Variants in FAM193B observed in about 807,000 individuals in gnomAD.
FAM193B encodes protein FAM193B.
Under a neutral mutation model 70.7 loss-of-function variants are expected in FAM193B, and 27 were observed. The ratio of observed to expected loss-of-function variants is 0.38; its 90% CI spans 0.28 to 0.53. FAM193B has a LOEUF of 0.53. FAM193B is among the 20% of genes least tolerant of loss of function. The pLI is 0.81. For missense variants in FAM193B, 1,022 were observed against 1,072.5 expected (o/e 0.95, Z 0.66); for synonymous variants, 448 against 436.0 (o/e 1.03, Z -0.34).
At chr5:177,547,434 G>A (rs546877163) in intron 1 of FAM193B, among the ~76,000 whole-genome samples, 3 of 150,490 alleles carry the variant, frequency 2.0e-5, no homozygotes, top group African/African-American at 7.3e-5. Flanking sequence ...ACAGGCACGC[G>A]CCACCATGCC....
chr5:177,539,506 G>A (rs1305205055), intron 1 of FAM193B, among the ~76,000 whole-genome samples: 1 of 152,188 alleles, frequency 6.6e-6, no homozygotes, highest in Non-Finnish European at 1.5e-5. Flanking sequence ...GGCATGGCTG[G>A]GAGTGTCCAC....
At chr5:177,553,806 C>T (rs1446020939) in intron 1 of FAM193B, 21 of 1,286,902 alleles carry the variant, frequency 1.6e-5, no homozygotes, top group Non-Finnish European at 2.1e-5. Flanking sequence ...GCAGGCGCTG[C>T]AGGGGACGGA....
At chr5:177,535,346 A>G (rs998280362) in intron 4 of FAM193B, among the ~76,000 whole-genome samples, 6 of 152,390 alleles carry the variant, frequency 3.9e-5, no homozygotes, top group Admixed American at 1.3e-4. Flanking sequence ...GACTGCAGAC[A>G]CTGTCAACCC....
At position 177,536,694 on chromosome 5, in the gene FAM193B, G is replaced by A; in HGVS notation, c.740C>T (p.Pro247Leu). The change falls in exon 4 of 9, where the codon CCC becomes CTC. Residue 247 changes from proline to leucine, a missense_variant. Pro to Leu is a moderately conservative substitution (Grantham distance 98). Coordinates refer to ENST00000514747, the MANE Select transcript of FAM193B (RefSeq NM_001190946.3). ...GTGGTGGCCGGTGGGGCTGTTAGGG[G>A]GAGCAGTGAGGTCTGAGTGCTGGTG... The part of the protein sequence containing the change: ...EHHQHSDLTA[P>L]PNSPTGHHPQ... The A allele has an allele frequency of 6.4e-7, 1 of 1,558,008 alleles. No homozygotes were observed. Among genetic ancestry groups the A allele is most frequent in the Non-Finnish European group, 8.7e-7 (1 of 1,154,500 alleles).
chr5:177,524,955 T>G lies in FAM193B; in HGVS notation c.1526A>C (p.Glu509Ala). ...GGGGGGTAGACTCTGAGGCTCAGGCTCAGCAGCCCCCTCCTTAGAGAAGCC... is the reference window on the plus strand; with the variant it reads ...GGGGGGTAGACTCTGAGGCTCAGGCGCAGCAGCCCCCTCCTTAGAGAAGCC... ...SNGFSKEGAA[E>A]PEPQSLPPSN... Residue 509 changes from glutamate to alanine, a missense_variant, in exon 6 of 9, where the codon GAG becomes GCG. Glu to Ala is a moderately radical substitution (Grantham distance 107). Transcript: ENST00000514747. The G allele has an allele frequency of 6.6e-7, 1 of 1,506,924 alleles. No homozygotes were observed. Among genetic ancestry groups the G allele is most frequent in the Non-Finnish European group, 8.9e-7 (1 of 1,128,890 alleles). 93.3% of individuals were successfully genotyped at this position (1,506,924 alleles called of 1,614,324 possible).
rs138233113 is a variant in FAM193B, at chr5:177,526,643, G to A, written c.1276-1438C>T. 9.7e-4 allele frequency among the ~76,000 whole-genome samples: 147 copies of A among 152,276 alleles called. No homozygotes were observed. In the Middle Eastern group the frequency reaches 0.014, roughly 14 times the overall value. The stretch of plus-strand genomic sequence containing the variant: ...AAACACACACTTTCTGCTCTGTACC[G>A]TCAGCACTTCCCATAGATGTCTCCT... On this transcript the variant is annotated intron_variant, in intron 5 of 8. Transcript: ENST00000514747.
At chr5:177,554,224 C>T (rs1277379957) in intron 1 of FAM193B, 25 bp downstream of exon 1, 5 of 1,491,136 alleles carry the variant, frequency 3.4e-6, no homozygotes, top group Non-Finnish European at 4.4e-6. Flanking sequence ...GCCCGAGCCG[C>T]CGAAGTCTCC....
In FAM193B at chr5:177,536,382, G is replaced by T; in HGVS notation, c.1052C>A (p.Ser351Tyr). 1 of 1,609,730 alleles carries T rather than the reference G, an allele frequency of 6.2e-7. No individual in the cohort carries two copies. The change falls in exon 4 of 9, where the codon TCT becomes TAT. Residue 351 changes from serine to tyrosine, a missense_variant. Physicochemically the swap from Ser to Tyr is moderately radical, Grantham distance 144. Transcript: ENST00000514747. ...CCTGTGAGTGCTAGGGAGTGGCTGA[G>T]AGCTCGGGGGTGGGAGGAGAGGCCC... ...CSGPLLPPPS[S>Y]QPLPSTHRDP...
Position 177,532,626 on chromosome 5 carries a change from C to G in FAM193B, c.1092G>C (p.Lys364Asn). ...LPSTHRDPGCKGHKFAHSGLA... is the reference protein window; with the variant it reads ...LPSTHRDPGCNGHKFAHSGLA... ...GGCCACTGTGTGCAAACTTGTGCCC[C>G]TTGCACCCGGGATCCCTGATGATGG... Residue 364 changes from lysine (K) to asparagine (N), a missense_variant, in exon 5 of 9, where the codon AAG (lysine) becomes AAC (asparagine). Coordinates refer to ENST00000514747, the MANE Select transcript of FAM193B (RefSeq NM_001190946.3). This position sits in a 1 kb window ranked among gnomAD's most constrained non-coding sequence, Gnocchi z 4.9. The G allele has an allele frequency of 6.4e-7, 1 of 1,551,098 alleles. No individual in the cohort carries two copies. The highest frequency in any genetic ancestry group is 8.6e-7 in the Non-Finnish European group (1 of 1,156,622).
intron 1 of FAM193B, among the ~76,000 whole-genome samples, chr5:177,549,195 T>C (rs866032129): frequency 0.021 from 3,071 of 147,982 alleles, 41 homozygotes; most frequent in Non-Finnish European, 0.033. Flanking sequence ...TTCTTTTTTT[T>C]TTTTTTTTTT....
intron 3 of FAM193B, among the ~76,000 whole-genome samples, chr5:177,537,167 C>T (rs1764276031): frequency 6.6e-6 from 1 of 152,114 alleles, no homozygotes; most frequent in South Asian, 2.1e-4. Context: ...CCCTGAGGGC[C>T]CCAGATTTCA....
chr5:177,533,597 C>T (rs1344090169), intron 4 of FAM193B, among the ~76,000 whole-genome samples: 1 of 152,208 alleles, frequency 6.6e-6, no homozygotes, highest in Admixed American at 6.5e-5. Flanking sequence ...TGAGCCACTG[C>T]GCCCGGCCTT....
intron 8 of FAM193B, 59 bp downstream of exon 8, chr5:177,521,915 C>T: frequency 2.2e-6 from 3 of 1,355,620 alleles, no homozygotes; most frequent in South Asian, 1.2e-5. Flanking sequence ...GGTGAGCGTA[C>T]AGAGAGGGTG....
At chr5:177,523,875 G>T in intron 7 of FAM193B, 82 bp downstream of exon 7, 1 of 1,501,788 alleles carries the variant, frequency 6.7e-7, no homozygotes, top group Non-Finnish European at 9.2e-7. Flanking sequence ...GCCTTTCTGA[G>T]GCTTGAGGCA....
At position 177,532,169 on chromosome 5, in the gene FAM193B, A is replaced by G. The variant is rs781427012; in HGVS notation, c.1275+274T>C. The G allele has an allele frequency of 2.1e-6, 3 of 1,459,556 alleles. No homozygotes were observed. The South Asian group carries it at 3.7e-5, about 18-fold the overall frequency. The allele number at this position is 1,459,556 out of a possible 1,614,324, so 90.4% of individuals were successfully genotyped here. ...ACGTATACATACTCATCAGAATCAT[A>G]GCTTTCTCTCTGCCATTTCCTTTCC... is the stretch of plus-strand genomic sequence containing the variant. On this transcript the variant is annotated intron_variant, in intron 5 of 8. Coordinates refer to ENST00000514747, the MANE Select transcript of FAM193B (RefSeq NM_001190946.3). This position sits in a 1 kb window ranked among gnomAD's most constrained non-coding sequence, Gnocchi z 4.9.
intron 3 of FAM193B, 135 bp downstream of exon 3, chr5:177,537,738 C>A: frequency 7.7e-7 from 1 of 1,292,146 alleles, no homozygotes; most frequent in Non-Finnish European, 1.0e-6. Context: ...CTAAGCTGCC[C>A]CTGCTTCCAC....
At chr5:177,534,651 C>T (rs1763966026) in intron 4 of FAM193B, among the ~76,000 whole-genome samples, 1 of 152,018 alleles carries the variant, frequency 6.6e-6, no homozygotes, top group Admixed American at 6.6e-5. Flanking sequence ...CACTTTGTTG[C>T]CTAGGCTAGA....
At chr5:177,552,132 C>T (rs1435450962) in intron 1 of FAM193B, 3 of 906,608 alleles carry the variant, frequency 3.3e-6, no homozygotes, top group African/African-American at 3.6e-5. Flanking sequence ...GTTTCTTCAT[C>T]TGAAAAATGG....
At chr5:177,553,652 G>C (rs1159534519) in intron 1 of FAM193B, 44 of 1,277,804 alleles carry the variant, frequency 3.4e-5, no homozygotes, top group Non-Finnish European at 4.4e-5. Context: ...GGGGAGGGAA[G>C]AAGGGCAGGT....
Sources: allele counts gnomAD v4.1 joint callset (sites outside exome capture counted in the v4.1 genomes callset), GRCh38; gene constraint gnomAD v4.1.1; non-coding constraint Gnocchi (gnomAD v3.1); transcripts MANE v1.5; gene names NCBI Gene and HGNC (gene_info 2026-07-23, HGNC 2026-07-21).